The following ABCC12 variants were observed in gnomAD, a reference collection of about 807,000 sequenced individuals.
ABCC12 encodes ATP binding cassette subfamily C member 12, also known as ATP-binding cassette sub-family C member 12.
A neutral mutation model predicts 151.1 loss-of-function variants in ABCC12; 142 were observed. That is an observed-to-expected ratio of 0.94 (90% CI 0.82 to 1.08). The LOEUF (loss-of-function observed/expected upper bound fraction) is 1.08, where lower values mean the gene tolerates loss of function less well. Ranked by LOEUF, ABCC12 falls within the 50% of genes least tolerant of loss-of-function variation. The pLI is 0.00. For missense variants in ABCC12, 1,638 were observed against 1,691.1 expected (o/e 0.97, Z 0.55); for synonymous variants, 645 against 646.4 (o/e 1.00, Z 0.03).
At chr16:48,154,934 T>C (rs1378886795) in intron 1 of ABCC12, among the ~76,000 whole-genome samples, 2 of 152,230 alleles carry the variant, frequency 1.3e-5, no homozygotes, top group African/African-American at 4.8e-5. Flanking sequence ...TCTGATGGTC[T>C]CCCCCAACTC....
In ABCC12 at chr16:48,083,684, C is replaced by T. The variant is rs183749700; in HGVS notation, c.*31G>A. 6.2e-7 allele frequency: 1 copy of T among 1,609,972 alleles called. No homozygotes were observed. Among genetic ancestry groups the T allele is most frequent in the East Asian group, 2.2e-5 (1 of 44,852 alleles). On this transcript the variant is annotated 3_prime_UTR_variant, in exon 31 of 31. Transcript: ENST00000311303. ...TCCTCCTATTCATCTCACAGAGCCT[C>T]TTCCTCCTCTAGAATCAGCCGCCAG...
chr16:48,130,531 T>C (rs1964386289), intron 10 of ABCC12, among the ~76,000 whole-genome samples: 1 of 152,198 alleles, frequency 6.6e-6, no homozygotes, highest in Non-Finnish European at 1.5e-5. Context: ...ATAGATTGTT[T>C]AGGAAAAAGA....
chr16:48,110,079 CTGAAGG>C (rs1362235080), intron 18 of ABCC12, among the ~76,000 whole-genome samples: 1 of 152,210 alleles, frequency 6.6e-6, no homozygotes, highest in African/African-American at 2.4e-5. Flanking sequence ...CCCGGGCAGC[CTGAAGG>C]TTTCTCCAAA....
chr16:48,124,228 T>C lies in ABCC12; in HGVS notation c.1572A>G (p.Ala524=). 1 of 1,614,214 alleles carries C rather than the reference T, an allele frequency of 6.2e-7. No homozygotes were observed. The highest frequency in any genetic ancestry group is 8.5e-7 in the Non-Finnish European group (1 of 1,180,026). The change falls in exon 12 of 31, where the codon GCA becomes GCG. Residue 524 remains alanine (A), a synonymous_variant. Coordinates refer to ENST00000311303, the MANE Select transcript of ABCC12 (RefSeq NM_001393797.1). ...CACAGCTTACCTGTCCTAGGAGAGC[T>C]GCAAGGAGGGAGCTCTTTCCACTTC... ...NVGSGKSSLL[A]ALLGQMQLQK...
intron 2 of ABCC12, chr16:48,146,749 G>C (rs925891260): frequency 4.4e-5 from 11 of 248,386 alleles, no homozygotes; most frequent in South Asian, 1.4e-4. Flanking sequence ...TTTTGGTTGG[G>C]AGCCGGTCCA....
chr16:48,138,542 G>A (rs1238057463), intron 7 of ABCC12, among the ~76,000 whole-genome samples, 167 bp from the exon 8 acceptor site: 2 of 152,168 alleles, frequency 1.3e-5, no homozygotes, highest in Non-Finnish European at 2.9e-5. Flanking sequence ...GCTGTCTGAG[G>A]AACACCATGG....
chr16:48,121,927 T>A, intron 12 of ABCC12, 87 bp from the exon 13 acceptor site: 1 of 1,575,986 alleles, frequency 6.3e-7, no homozygotes, highest in South Asian at 1.2e-5. Context: ...ACCCACATAT[T>A]CCACAAGCAT....
chr16:48,085,233 C>T (rs997562631), intron 29 of ABCC12, among the ~76,000 whole-genome samples: 3 of 152,142 alleles, frequency 2.0e-5, no homozygotes, highest in African/African-American at 7.2e-5. Flanking sequence ...TCCTAGCATT[C>T]TGATGGCCCT....
rs545036470 is a variant in ABCC12, at chr16:48,097,001, G to A, written c.3039-99C>T. 1.8e-5 allele frequency: 26 copies of A among 1,445,278 alleles called. No homozygotes were observed. The South Asian group carries it at 2.3e-4, about 13-fold the overall frequency. 89.5% of individuals were successfully genotyped at this position (1,445,278 alleles called of 1,614,324 possible). A position where few individuals can be genotyped will look rare whatever the true frequency, so the allele number is the denominator to read the frequency against. ...TGTAGACTTAAGGTTAGGGTGACTG[G>A]AGAAATGAGGCCAAGGAATTTTTAA... On this transcript the variant is annotated intron_variant, in intron 23 of 30. Transcript: ENST00000311303.
Position 48,146,442 on chromosome 16 carries a change from G to C in ABCC12, c.-18C>G. The C allele has an allele frequency of 6.2e-7, 1 of 1,608,332 alleles. No homozygotes were observed. Among genetic ancestry groups the C allele is most frequent in the South Asian group, 1.1e-5 (1 of 90,952 alleles). On this transcript the variant is annotated 5_prime_UTR_variant, in exon 3 of 31. Coordinates refer to ENST00000311303, the MANE Select transcript of ABCC12 (RefSeq NM_001393797.1). ...CCCACCATCCTGATGGCAGCCTGGA[G>C]CCCTGGGCTTTTGGCCTGGGGACAC... is the stretch of plus-strand genomic sequence containing the variant.
intron 14 of ABCC12, among the ~76,000 whole-genome samples, chr16:48,115,847 G>A (rs1242345042): frequency 3.3e-5 from 5 of 152,198 alleles, no homozygotes; most frequent in East Asian, 1.9e-4. Context: ...CAGCGGCAAC[G>A]AGGGCAAAGC....
intron 26 of ABCC12, 135 bp downstream of exon 26, chr16:48,088,410 A>G: frequency 9.6e-7 from 1 of 1,040,818 alleles, no homozygotes; most frequent in Non-Finnish European, 1.4e-6. Flanking sequence ...CCTAATTTAC[A>G]GTAAAGAGAT....
intron 10 of ABCC12, 132 bp from the exon 11 acceptor site, chr16:48,128,869 A>C: frequency 9.8e-7 from 1 of 1,019,918 alleles, no homozygotes; most frequent in East Asian, 2.4e-5. Flanking sequence ...AGAGGTTCTG[A>C]AATTATTCCC....
Position 48,144,070 on chromosome 16 carries a change from A to G in ABCC12, c.120-5T>C. Reference sequence around the variant, plus strand: ...TCCACCGGGTTGGGTGCTAACCTGCAGACAAACAAGACACTCAGCGTTCCA... The same window carrying G: ...TCCACCGGGTTGGGTGCTAACCTGCGGACAAACAAGACACTCAGCGTTCCA... On this transcript the variant is annotated splice_polypyrimidine_tract_variant and splice_region_variant and intron_variant, in intron 3 of 30. Coordinates refer to ENST00000311303, the MANE Select transcript of ABCC12 (RefSeq NM_001393797.1). 2 of 1,610,954 alleles carry G rather than the reference A, an allele frequency of 1.2e-6. No homozygotes were observed. The highest frequency in any genetic ancestry group is 1.7e-6 in the Non-Finnish European group (2 of 1,178,038).
intron 25 of ABCC12, among the ~76,000 whole-genome samples, chr16:48,090,468 T>A (rs1298839381): frequency 6.8e-6 from 1 of 146,600 alleles, no homozygotes; most frequent in Non-Finnish European, 1.5e-5. Context: ...GGTCTCAAAC[T>A]CCTGGCTTCA....
intron 12 of ABCC12, among the ~76,000 whole-genome samples, chr16:48,123,416 T>C (rs1231081837): frequency 6.6e-6 from 1 of 152,052 alleles, no homozygotes. Flanking sequence ...ATTCTTTCTA[T>C]AGATGAGTCA....
At chr16:48,109,493 C>T (rs74598708) in intron 18 of ABCC12, among the ~76,000 whole-genome samples, 4,065 of 152,314 alleles carry the variant, frequency 0.027, 56 homozygotes, top group Non-Finnish European at 0.045. Flanking sequence ...AATTATACAC[C>T]GTACTTGGCT....
intron 20 of ABCC12, 134 bp downstream of exon 20, chr16:48,107,188 T>A (rs1255441889): frequency 6.6e-5 from 56 of 843,514 alleles, no homozygotes; most frequent in Non-Finnish European, 1.0e-4. Context: ...AGCATCTGAC[T>A]CCCACTTCTT....
At position 48,104,167 on chromosome 16, in the gene ABCC12, C is replaced by T. The variant is rs1303189031; in HGVS notation, c.2875G>A (p.Ala959Thr). 1 of 1,614,076 alleles carries T rather than the reference C, an allele frequency of 6.2e-7. No homozygotes were observed. Among genetic ancestry groups the T allele is most frequent in the African/African-American group, 1.3e-5 (1 of 74,934 alleles). The change falls in exon 22 of 31, where the codon GCT becomes ACT. Residue 959 changes from alanine (A) to threonine (T), a missense_variant. Ala to Thr is a moderately conservative substitution (Grantham distance 58). Transcript: ENST00000311303. ...CGTAACAGAATGAAGAAGCCTACAG[C>T]AAGGCTGGCCACGACTAAAAGGACA... ...PAVLLVVASLAVGFFILLRIF... is the reference protein window; with the variant it reads ...PAVLLVVASLTVGFFILLRIF...
Sources: allele counts gnomAD v4.1 joint callset (sites outside exome capture counted in the v4.1 genomes callset), GRCh38; gene constraint gnomAD v4.1.1; transcripts MANE v1.5; gene names NCBI Gene and HGNC (gene_info 2026-07-23, HGNC 2026-07-21).